NIPBL: variants seen among roughly 807,000 people sequenced by gnomAD.
NIPBL encodes the protein NIPBL cohesin loading factor.
Under a neutral mutation model 321.8 loss-of-function variants are expected in NIPBL, and 19 were observed. The ratio of observed to expected loss-of-function variants is 0.06; its 90% CI spans 0.04 to 0.09. The LOEUF (loss-of-function observed/expected upper bound fraction) is 0.09. NIPBL is among the 10% of genes least tolerant of loss of function. The probability of loss-of-function intolerance (pLI) is 1.00; values close to 1 mark genes in which losing one functional copy is unlikely to be tolerated. For missense variants in NIPBL, 2,210 were observed against 3,327.0 expected, an observed-to-expected ratio of 0.66 and a Z score of 8.26; for synonymous variants, 1,106 against 1,114.1, an observed-to-expected ratio of 0.99 and a Z score of 0.14.
At chr5:36,973,570 C>T (rs529608375) in intron 8 of NIPBL, among the ~76,000 whole-genome samples, 8 of 152,172 alleles carry the variant, frequency 5.3e-5, no homozygotes, top group African/African-American at 1.7e-4. Context: ...CGGGTTCAAA[C>T]GATTCTCCTG....
rs1481496493 is a variant in NIPBL at position 36,996,530 on chromosome 5, A to C, written c.3304+726A>C. 2.2e-6 allele frequency: 1 copy of C among 456,394 alleles called. No individual in the cohort carries two copies. Among genetic ancestry groups the C allele is most frequent in the Non-Finnish European group, 4.4e-6 (1 of 226,880 alleles). 28.3% of individuals were successfully genotyped at this position (456,394 alleles called of 1,614,324 possible). ...CAACACTGTGATCACCTGTCTTTGC[A>C]CTAGACTTGCTATACCTCGCCTGTC... On this transcript the variant is annotated intron_variant, in intron 11 of 46. Coordinates refer to ENST00000282516, the MANE Select transcript of NIPBL (RefSeq NM_133433.4). The surrounding 1 kb of genome is among the most constrained non-coding windows in gnomAD (Gnocchi z 5.0).
chr5:37,057,950 C>CT (rs1754276854), intron 43 of NIPBL, among the ~76,000 whole-genome samples: 1 of 152,200 alleles, frequency 6.6e-6, no homozygotes, highest in Non-Finnish European at 1.5e-5. Context: ...TCTCATGTAT[C>CT]TAATGATCCA....
intron 1 of NIPBL, among the ~76,000 whole-genome samples, chr5:36,949,082 G>A (rs1429280216): frequency 6.6e-6 from 1 of 151,802 alleles, no homozygotes; most frequent in Non-Finnish European, 1.5e-5. Context: ...GCCCAGCACA[G>A]TTCTAAGAAC....
intron 7 of NIPBL, chr5:36,971,713 A>G (rs1742870923): frequency 1.8e-6 from 1 of 570,264 alleles, no homozygotes; most frequent in Admixed American, 6.3e-5. Context: ...GGAGCATACT[A>G]GTAATACAAA....
chr5:37,022,116 G>T lies in NIPBL; in HGVS notation c.5394G>T (p.Glu1798Asp). ...VRTKAMKCLSEVVAVDPSILA... is the reference protein window; with the variant it reads ...VRTKAMKCLSDVVAVDPSILA... Reference sequence around the variant, plus strand: ...CAAAAGCCATGAAGTGTTTGTCTGAGGTTGTTGCTGTAGACCCCAGTATTC... The same window carrying T: ...CAAAAGCCATGAAGTGTTTGTCTGATGTTGTTGCTGTAGACCCCAGTATTC... The change falls in exon 28 of 47, where the codon GAG (glutamate) becomes GAT (aspartate). Residue 1798 changes from glutamate (E) to aspartate (D), a missense_variant. Physicochemically the swap from Glu to Asp is conservative, Grantham distance 45. Around this residue, in one of 14 missense-constraint regions of NIPBL, gnomAD observed 49 missense variants for 163.6 expected, o/e 0.30. Coordinates refer to ENST00000282516, the MANE Select transcript of NIPBL (RefSeq NM_133433.4). 2 of 1,614,140 alleles carry T rather than the reference G, an allele frequency of 1.2e-6. No individual in the cohort carries two copies. Among genetic ancestry groups the T allele is most frequent in the South Asian group, 2.2e-5 (2 of 91,078 alleles).
At chr5:37,004,858 A>G (rs1747240149) in intron 16 of NIPBL, among the ~76,000 whole-genome samples, 2 of 152,224 alleles carry the variant, frequency 1.3e-5, no homozygotes, top group Admixed American at 6.5e-5. Flanking sequence ...ATGTATACGT[A>G]TGTAGTATAT....
intron 4 of NIPBL, among the ~76,000 whole-genome samples, chr5:36,960,259 A>G (rs978838568): frequency 2.0e-5 from 3 of 151,668 alleles, no homozygotes; most frequent in Admixed American, 1.3e-4. Flanking sequence ...TTAGAAAGCC[A>G]TTGCTTTCAA....
intron 10 of NIPBL, among the ~76,000 whole-genome samples, chr5:36,989,248 T>TA (rs552544742): frequency 1.4e-3 from 212 of 152,306 alleles, no homozygotes; most frequent in Non-Finnish European, 1.8e-3. Context: ...AAAACCTGCT[T>TA]ATAGTAATAT....
intron 37 of NIPBL, 134 bp downstream of exon 37, chr5:37,045,731 T>A: frequency 2.1e-6 from 2 of 957,460 alleles, no homozygotes; most frequent in Non-Finnish European, 3.2e-6. Flanking sequence ...AAAACAGTGC[T>A]GCTCAAAACG....
chr5:37,060,088 T>G (rs1216095833), intron 44 of NIPBL, among the ~76,000 whole-genome samples: 1 of 152,046 alleles, frequency 6.6e-6, no homozygotes. Context: ...GTCTCAAGTT[T>G]CCATAAGCTT....
In NIPBL at chr5:36,925,675, A is replaced by G. The variant is rs894285519; in HGVS notation, c.-79-27943A>G. Among the ~76,000 whole-genome samples, 65 of 152,210 alleles carry G rather than the reference A, an allele frequency of 4.3e-4. 1 individual carries two copies. Among genetic ancestry groups the G allele is most frequent in the Admixed American group, 4.1e-3 (62 of 15,282 alleles). On this transcript the variant is annotated intron_variant, in intron 1 of 46. Coordinates refer to ENST00000282516, the MANE Select transcript of NIPBL (RefSeq NM_133433.4). ...AATAACTTAAAGTCTTTCAACTAGTACGTGGCAGAATTATAATTAAAAACC... is the reference window on the plus strand; with the variant it reads ...AATAACTTAAAGTCTTTCAACTAGTGCGTGGCAGAATTATAATTAAAAACC...
chr5:36,962,970 GA>G (rs1741795089), intron 6 of NIPBL, among the ~76,000 whole-genome samples: 1 of 152,142 alleles, frequency 6.6e-6, no homozygotes, highest in East Asian at 1.9e-4. Flanking sequence ...TGACTACTAT[GA>G]AAAATTTACT....
At chr5:37,038,923 A>AT (rs917711173) in intron 34 of NIPBL, among the ~76,000 whole-genome samples, 185 bp downstream of exon 34, 23 of 152,266 alleles carry the variant, frequency 1.5e-4, no homozygotes, top group African/African-American at 5.5e-4. Flanking sequence ...TTCAGGTTCC[A>AT]TTTTGCTGTA....
At chr5:36,885,780 G>A in intron 1 of NIPBL, 2 of 625,468 alleles carry the variant, frequency 3.2e-6, no homozygotes, top group Non-Finnish European at 5.9e-6. Context: ...GATGACACCA[G>A]TGTCACTTGG....
intron 1 of NIPBL, among the ~76,000 whole-genome samples, chr5:36,942,959 G>A (rs955616268): frequency 6.6e-6 from 1 of 151,822 alleles, no homozygotes; most frequent in East Asian, 1.9e-4. Context: ...GTAGTATTTT[G>A]TACCTAACAA....
chr5:36,980,661 G>A (rs559553521), intron 9 of NIPBL, among the ~76,000 whole-genome samples: 1 of 151,728 alleles, frequency 6.6e-6, no homozygotes, highest in African/African-American at 2.4e-5. Flanking sequence ...TAGGTACATA[G>A]TAGGCTATAT....
intron 42 of NIPBL, among the ~76,000 whole-genome samples, chr5:37,054,985 A>T (rs1366310726): frequency 1.3e-5 from 2 of 152,132 alleles, no homozygotes; most frequent in African/African-American, 4.8e-5. Flanking sequence ...AGGAAGATGA[A>T]TTTTTTTAGC....
At chr5:36,896,876 A>G (rs1369644879) in intron 1 of NIPBL, among the ~76,000 whole-genome samples, 1 of 152,220 alleles carries the variant, frequency 6.6e-6, no homozygotes, top group African/African-American at 2.4e-5. Context: ...CTGGGATTAC[A>G]GGCTTGACCC....
chr5:36,978,511 G>A (rs1743769169), intron 9 of NIPBL, among the ~76,000 whole-genome samples: 1 of 151,762 alleles, frequency 6.6e-6, no homozygotes, highest in Non-Finnish European at 1.5e-5. Context: ...TGCATAGTTT[G>A]TAAATACTTT....
Sources: gnomAD v4.1 joint callset for allele counts (sites outside exome capture counted in the v4.1 genomes callset) on GRCh38, gnomAD v4.1.1 for gene constraint, gnomAD v4.1.1 regional missense constraint, Gnocchi (gnomAD v3.1) non-coding constraint, MANE v1.5 for transcripts, NCBI Gene and HGNC (gene_info 2026-07-23, HGNC 2026-07-21) for gene names.